Variants in LRRC7 observed in about 807,000 individuals in gnomAD.
The protein encoded by LRRC7 is leucine rich repeat containing 7.
Under a neutral mutation model 175.7 loss-of-function variants are expected in LRRC7, and 23 were observed. The observed-to-expected ratio is 0.13, with a 90% CI of 0.09 to 0.19. LRRC7 has a LOEUF of 0.19. Ranked by LOEUF, LRRC7 falls within the 10% of genes least tolerant of loss-of-function variation. The pLI is 1.00. For missense variants in LRRC7, 1,354 were observed against 1,904.7 expected (o/e 0.71, Z 5.38); for synonymous variants, 685 against 680.9 (o/e 1.01, Z -0.09).
At chr1:69,952,844 T>A (rs1650081597) in intron 8 of LRRC7, among the ~76,000 whole-genome samples, 1 of 151,744 alleles carries the variant, frequency 6.6e-6, no homozygotes, top group Non-Finnish European at 1.5e-5. Flanking sequence ...GAGCCCTCCT[T>A]TGGAGAACAA....
intron 1 of LRRC7, among the ~76,000 whole-genome samples, chr1:69,629,206 C>T (rs1333901806): frequency 1.3e-5 from 2 of 151,974 alleles, no homozygotes; most frequent in South Asian, 2.1e-4. Flanking sequence ...TGGCAAAAAA[C>T]ATAACTGAGA....
intron 4 of LRRC7, among the ~76,000 whole-genome samples, chr1:69,816,746 A>G (rs1183462902): frequency 6.6e-6 from 1 of 152,188 alleles, no homozygotes; most frequent in Admixed American, 6.6e-5. Flanking sequence ...TTAGATCTCC[A>G]GAACTTGTTC....
chr1:70,056,114 T>A (rs1041467655), intron 23 of LRRC7, among the ~76,000 whole-genome samples: 1 of 152,194 alleles, frequency 6.6e-6, no homozygotes, highest in African/African-American at 2.4e-5. Context: ...AGTGGAAATG[T>A]GCAGTGGATG....
rs771255901 is a variant in LRRC7, at chr1:69,825,636, G to A, written c.422-112G>A. The A allele has an allele frequency of 7.7e-5, 41 of 534,988 alleles. No individual in the cohort carries two copies. In the East Asian group the frequency reaches 1.0e-3, roughly 13 times the overall value. The allele number at this position is 534,988 out of a possible 1,614,324, so 33.1% of individuals were successfully genotyped here. A position where few individuals can be genotyped will look rare whatever the true frequency, so the allele number is the denominator to read the frequency against. On this transcript the variant is annotated intron_variant, in intron 4 of 26. Coordinates refer to ENST00000651989, the MANE Select transcript of LRRC7 (RefSeq NM_001370785.2). ...TACTTAAATGCTTATCCTAAATGGT[G>A]TTTACATCATGTACTGACTCATAGT...
Position 70,132,927 on chromosome 1 carries a change from C to G in LRRC7, c.*11040C>G, listed in dbSNP as rs1456114418. ...TCTTCAGGGAAGGATTCATGCTATT[C>G]TTAAATTCCTGGAGCGAAGGGGTGA... is the stretch of plus-strand genomic sequence containing the variant. On this transcript the variant is annotated 3_prime_UTR_variant, in exon 27 of 27. Transcript: ENST00000651989. 1.3e-5 allele frequency among the ~76,000 whole-genome samples: 2 copies of G among 152,108 alleles called. No homozygotes were observed. Among genetic ancestry groups the G allele is most frequent in the Non-Finnish European group, 2.9e-5 (2 of 68,018 alleles).
At chr1:69,772,050 G>A (rs142766028) in intron 3 of LRRC7, among the ~76,000 whole-genome samples, 3,049 of 152,194 alleles carry the variant, frequency 0.02, 43 homozygotes, top group Non-Finnish European at 0.031. Flanking sequence ...GAACCCAGGA[G>A]GTGGAGGCTG....
chr1:69,887,972 C>A (rs1205477166), intron 7 of LRRC7, among the ~76,000 whole-genome samples: 4 of 136,416 alleles, frequency 2.9e-5, no homozygotes, highest in African/African-American at 1.1e-4. Context: ...GCAGTCTGCC[C>A]GTTCTCAGAT....
chr1:70,069,642 T>C (rs1161520811), intron 23 of LRRC7, among the ~76,000 whole-genome samples: 5 of 152,168 alleles, frequency 3.3e-5, no homozygotes, highest in African/African-American at 1.2e-4. Context: ...TAAGTTTATT[T>C]CTCCTCACCA....
chr1:69,965,531 A>C (rs985742726), intron 8 of LRRC7, among the ~76,000 whole-genome samples: 2 of 152,178 alleles, frequency 1.3e-5, no homozygotes, highest in African/African-American at 4.8e-5. Flanking sequence ...CATTAAGAAT[A>C]TCTACTTATT....
intron 4 of LRRC7, among the ~76,000 whole-genome samples, chr1:69,792,706 T>C (rs755865260): frequency 6.6e-6 from 1 of 152,120 alleles, no homozygotes; most frequent in Non-Finnish European, 1.5e-5. Context: ...CACTAATGTG[T>C]CCCAAACATC....
intron 15 of LRRC7, among the ~76,000 whole-genome samples, chr1:70,019,074 A>C (rs544977775): frequency 6.6e-6 from 1 of 152,010 alleles, no homozygotes; most frequent in Non-Finnish European, 1.5e-5. Flanking sequence ...AGGAGCAACT[A>C]TTTCTCTTTA....
At chr1:69,855,578 G>A (rs1312612603) in intron 7 of LRRC7, among the ~76,000 whole-genome samples, 4 of 152,094 alleles carry the variant, frequency 2.6e-5, no homozygotes, top group Non-Finnish European at 5.9e-5. Flanking sequence ...AGTGCGATGT[G>A]GTGCTGAGAA....
intron 1 of LRRC7, among the ~76,000 whole-genome samples, chr1:69,623,604 G>A (rs1187146929): frequency 6.8e-6 from 1 of 147,814 alleles, no homozygotes; most frequent in Non-Finnish European, 1.5e-5. Flanking sequence ...AGGCTGGAGT[G>A]CAATGGTACG....
chr1:70,079,869 G>A (rs1178633930), intron 24 of LRRC7, among the ~76,000 whole-genome samples: 2 of 152,040 alleles, frequency 1.3e-5, no homozygotes, highest in African/African-American at 2.4e-5. Flanking sequence ...TTATATAACC[G>A]GTCCTGCTTA....
chr1:69,939,027 ATATC>A lies in LRRC7; in HGVS notation c.711+7461_711+7464del, dbSNP rs1557910999. ...TATATATATATATCTATATATATATATATCTATATATATCTATATCTATCTCACA... is the reference window on the plus strand; with the variant it reads ...TATATATATATATCTATATATATATATATATATATCTATATCTATCTCACA... On this transcript the variant is annotated intron_variant, in intron 8 of 26. Transcript: ENST00000651989. Among the ~76,000 whole-genome samples, 133 of 79,986 alleles carry A rather than the reference ATATC, an allele frequency of 1.7e-3. 3 individuals are homozygous for A. Among genetic ancestry groups the A allele is most frequent in the African/African-American group, 3.3e-3 (89 of 26,918 alleles). The allele number at this position is 79,986 out of a possible 152,430, so 52.5% of individuals were successfully genotyped here.
intron 2 of LRRC7, among the ~76,000 whole-genome samples, chr1:69,728,765 A>G (rs1053688690): frequency 2.6e-5 from 4 of 152,230 alleles, no homozygotes; most frequent in African/African-American, 9.6e-5. Context: ...GTGAACTTAA[A>G]GTTTTGCAGC....
chr1:69,872,721 T>G (rs1685676610), intron 7 of LRRC7, among the ~76,000 whole-genome samples: 1 of 152,122 alleles, frequency 6.6e-6, no homozygotes, highest in African/African-American at 2.4e-5. Context: ...TATTTAAATA[T>G]TTAACAGAAA....
rs144985776 is a variant in LRRC7 at position 70,047,088 on chromosome 1, C to T, written c.4110+2994C>T. Among the ~76,000 whole-genome samples, 19 of 152,100 alleles carry T rather than the reference C, an allele frequency of 1.2e-4. No homozygotes were observed. In the East Asian group the frequency reaches 1.9e-3, roughly 15 times the overall value. On this transcript the variant is annotated intron_variant, in intron 22 of 26. Transcript: ENST00000651989. ...CAGGTCCTTAAGACTTCTTTGCAGC[C>T]CCTAAATACTCATTAGCCATAAGAA...
At chr1:69,740,337 A>G (rs1487472974) in intron 2 of LRRC7, among the ~76,000 whole-genome samples, 1 of 152,014 alleles carries the variant, frequency 6.6e-6, no homozygotes, top group African/African-American at 2.4e-5. Flanking sequence ...CTCTGTGTGT[A>G]CACATCCCTA....
Sources: allele counts gnomAD v4.1 joint callset (sites outside exome capture counted in the v4.1 genomes callset), GRCh38; gene constraint gnomAD v4.1.1; transcripts MANE v1.5; gene names NCBI Gene and HGNC (gene_info 2026-07-23, HGNC 2026-07-21).